Variants in SHANK1 observed in about 807,000 individuals in gnomAD.
SHANK1 encodes the protein SH3 and multiple ankyrin repeat domains protein 1.
In SHANK1, 35 loss-of-function variants were observed where a neutral mutation model predicts 165.6. The ratio of observed to expected loss-of-function variants is 0.21; its 90% CI spans 0.16 to 0.28. SHANK1 has a LOEUF of 0.28. SHANK1 is among the 10% of genes least tolerant of loss of function. The pLI, the probability that SHANK1 is intolerant of heterozygous loss-of-function variation, is 1.00. For synonymous variants in SHANK1, 1,428 were observed against 1,384.8 expected, an observed-to-expected ratio of 1.03 and a Z score of -0.69; for missense variants, 2,681 against 3,036.4, an observed-to-expected ratio of 0.88 and a Z score of 2.75.
At chr19:50,672,497 A>G (rs894710464) in intron 21 of SHANK1, among the ~76,000 whole-genome samples, 1 of 144,708 alleles carries the variant, frequency 6.9e-6, no homozygotes, top group Non-Finnish European at 1.5e-5. Flanking sequence ...TGGAGGCTAC[A>G]GTGAGCCAAG....
chr19:50,675,750 C>T (rs1985957556), intron 21 of SHANK1, among the ~76,000 whole-genome samples: 1 of 151,916 alleles, frequency 6.6e-6, no homozygotes, highest in African/African-American at 2.4e-5. Flanking sequence ...ACCTTTAATC[C>T]CAACATTTTG....
chr19:50,666,282 C>A lies in SHANK1; in HGVS notation c.5678G>T (p.Trp1893Leu). ...GSSAAGGALP[W>L]ARGGSGGGGD... ...GCCTCCCCCACTGCCTCCTCGGGCC[C>A]AGGGCAGAGCGCCGCCAGCTGCCGA... is the stretch of plus-strand genomic sequence containing the variant. The change falls in exon 23 of 24, where the codon TGG becomes TTG. Residue 1893 changes from tryptophan to leucine, a missense_variant. By Grantham distance (61) the Trp-to-Leu change is moderately conservative (BLOSUM62 -2). Coordinates refer to ENST00000293441, the MANE Select transcript of SHANK1 (RefSeq NM_016148.5). The A allele has an allele frequency of 6.2e-7, 1 of 1,611,854 alleles. No homozygotes were observed. Among genetic ancestry groups the A allele is most frequent in the African/African-American group, 1.3e-5 (1 of 75,036 alleles).
chr19:50,672,147 A>G (rs762958119), intron 21 of SHANK1, 33 bp from the exon 22 acceptor site: 2 of 1,544,660 alleles, frequency 1.3e-6, no homozygotes, highest in Non-Finnish European at 1.8e-6. Context: ...GGAGAGAGAG[A>G]AAAGATAGAG....
At position 50,711,430 on chromosome 19, in the gene SHANK1, G is replaced by C; in HGVS notation, c.1018C>G (p.Pro340Ala). The change falls in exon 8 of 24, where the codon CCT becomes GCT. Residue 340 changes from proline (P) to alanine (A), a missense_variant. Physicochemically the swap from Pro to Ala is conservative, Grantham distance 27. Around this residue, in one of 10 missense-constraint regions of SHANK1, gnomAD observed 189 missense variants for 440.9 expected, o/e 0.43. Transcript: ENST00000293441. The part of the protein sequence containing the change: ...LEHLLFYGAE[P>A]GAQNASGNTA... ...TTCCCCGAGGCGTTCTGGGCTCCAG[G>C]CTCAGCCCCGTAGAAAAGCAGATGC... 1.3e-6 allele frequency: 2 copies of C among 1,563,196 alleles called. No individual in the cohort carries two copies. Among genetic ancestry groups the C allele is most frequent in the Middle Eastern group, 1.7e-4 (1 of 6,002 alleles).
At position 50,713,921 on chromosome 19, in the gene SHANK1, G is replaced by C. The variant is rs3745531; in HGVS notation, c.669C>G (p.Thr223=). Residue 223 remains threonine (T), a synonymous_variant, in exon 6 of 24, where the codon ACC becomes ACG. Coordinates refer to ENST00000293441, the MANE Select transcript of SHANK1 (RefSeq NM_016148.5). The surrounding 1 kb of genome is among the most constrained non-coding windows in gnomAD (Gnocchi z 6.2). ...TTCGAATCACCTCTACAGAGCCTTC[G>C]GTCTGGGCCGCCAGTGTCAAGGGGG... The part of the protein sequence containing the change: ...GETPLTLAAQ[T]EGSVEVIRTL... 1 of 1,613,642 alleles carries C rather than the reference G, an allele frequency of 6.2e-7. No homozygotes were observed. The highest frequency in any genetic ancestry group is 8.5e-7 in the Non-Finnish European group (1 of 1,179,896).
rs370032906 is a variant in SHANK1, at chr19:50,667,348, C to T, written c.4612G>A (p.Glu1538Lys). Residue 1538 changes from glutamate to lysine, a missense_variant, in exon 23 of 24, where the codon GAA becomes AAA. Physicochemically the swap from Glu to Lys is moderately conservative, Grantham distance 56. Coordinates refer to ENST00000293441, the MANE Select transcript of SHANK1 (RefSeq NM_016148.5). The surrounding 1 kb of genome is among the most constrained non-coding windows in gnomAD (Gnocchi z 5.7). ...PPSPTSPRAS[E>K]ENGLPLLVLP... ...ACCAGCAGGGGCAGCCCGTTCTCTT[C>T]GCTGGCCCTCGGGGAGGTCGGGGAG... 8 of 1,554,978 alleles carry T rather than the reference C, an allele frequency of 5.1e-6. No homozygotes were observed. Among genetic ancestry groups the T allele is most frequent in the Non-Finnish European group, 6.1e-6 (7 of 1,155,988 alleles).
At chr19:50,691,203 G>A (rs915429861) in intron 15 of SHANK1, among the ~76,000 whole-genome samples, 5 of 152,132 alleles carry the variant, frequency 3.3e-5, no homozygotes, top group African/African-American at 1.2e-4. Flanking sequence ...GGGAGGAAAG[G>A]GGCCGAGAAG....
intron 6 of SHANK1, among the ~76,000 whole-genome samples, chr19:50,712,591 A>C (rs2089021349): frequency 6.6e-6 from 1 of 152,234 alleles, no homozygotes; most frequent in Admixed American, 6.5e-5. Flanking sequence ...GGGTAAGGGC[A>C]AGGATCGGGC....
chr19:50,704,217 AG>A (rs760515236), intron 9 of SHANK1, 31 bp from the exon 10 acceptor site: 341 of 1,605,644 alleles, frequency 2.1e-4, no homozygotes, highest in Middle Eastern at 5.0e-4. Context: ...CAGGTCGGCC[AG>A]GGGGGCCCAG....
chr19:50,665,437 G>A (rs892555937), intron 23 of SHANK1, among the ~76,000 whole-genome samples: 1 of 151,450 alleles, frequency 6.6e-6, no homozygotes, highest in Admixed American at 6.6e-5. Context: ...CATGGTGGCG[G>A]GCACCTGTAA....
In SHANK1 at chr19:50,666,577, C is replaced by T. The variant is rs368817818; in HGVS notation, c.5383G>A (p.Asp1795Asn). 57 of 1,599,526 alleles carry T rather than the reference C, an allele frequency of 3.6e-5. No individual in the cohort carries two copies. In the African/African-American group the frequency reaches 7.1e-4, roughly 20 times the overall value. ...PTVSVTGAGT[D>N]GLLALRACSG... ...CAAGCACGCAGGGCCAGCAGCCCATCGGTTCCAGCCCCTGTCACCGAGACG... is the reference window on the plus strand; with the variant it reads ...CAAGCACGCAGGGCCAGCAGCCCATTGGTTCCAGCCCCTGTCACCGAGACG... The change falls in exon 23 of 24, where the codon GAT becomes AAT. Residue 1795 changes from aspartate (D) to asparagine (N), a missense_variant. Around this residue, in one of 10 missense-constraint regions of SHANK1, gnomAD observed 1,713 missense variants for 1,630.2 expected, o/e 1.05. Transcript: ENST00000293441.
In SHANK1 at chr19:50,675,986, A is replaced by T. The variant is rs60602609; in HGVS notation, c.2578-3872T>A. Among the ~76,000 whole-genome samples, 886 of 152,130 alleles carry T rather than the reference A, an allele frequency of 5.8e-3. 36 individuals are homozygous for T. In the East Asian group the frequency reaches 0.12, roughly 21 times the overall value. On this transcript the variant is annotated intron_variant, in intron 21 of 23. Transcript: ENST00000293441. The stretch of plus-strand genomic sequence containing the variant: ...ACTCCAGCCTGGGTGACAGAGCAAG[A>T]CTTCATCTAAAATAAAATAGAATAA...
Position 50,669,000 on chromosome 19 carries a change from AG to A in SHANK1, c.2959del (p.Leu987CysfsTer356). ...DTRVGSREKS[L>X]YHSGPLPPAH... ...CGGGGGCAGGGGCCCACTGTGGTAC[AG>A]GCTCTTCTCGCGGCTCCCCACGCGA... On this transcript the variant is annotated frameshift_variant, in exon 23 of 24. Coordinates refer to ENST00000293441, the MANE Select transcript of SHANK1 (RefSeq NM_016148.5). LOFTEE classifies it high-confidence loss of function. 1 of 788,520 alleles carries A rather than the reference AG, an allele frequency of 1.3e-6. No homozygotes were observed. 48.8% of individuals were successfully genotyped at this position (788,520 alleles called of 1,614,324 possible).
rs1985155128 is a variant in SHANK1, at chr19:50,660,370, G to A, written c.*1595C>T. 6.6e-6 allele frequency among the ~76,000 whole-genome samples: 1 copy of A among 152,064 alleles called. No individual in the cohort carries two copies. Among genetic ancestry groups the A allele is most frequent in the Non-Finnish European group, 1.5e-5 (1 of 67,998 alleles). ...CAGAAGAGGGAGGATGTGAGGAAGG[G>A]TGAGGGCTGGAGGCAGGGAGAGGCT... On this transcript the variant is annotated 3_prime_UTR_variant, in exon 24 of 24. Coordinates refer to ENST00000293441, the MANE Select transcript of SHANK1 (RefSeq NM_016148.5).
chr19:50,709,288 G>GC (rs2088980675), intron 8 of SHANK1, among the ~76,000 whole-genome samples: 1 of 152,002 alleles, frequency 6.6e-6, no homozygotes, highest in Non-Finnish European at 1.5e-5. Context: ...ACAGGCGCCC[G>GC]CCACCACGCC....
chr19:50,670,131 T>A lies in SHANK1; in HGVS notation c.2675-846A>T, dbSNP rs914006693. On this transcript the variant is annotated intron_variant, in intron 22 of 23. Coordinates refer to ENST00000293441, the MANE Select transcript of SHANK1 (RefSeq NM_016148.5). This position sits in a 1 kb window ranked among gnomAD's most constrained non-coding sequence, Gnocchi z 4.1. Reference sequence around the variant, plus strand: ...TGGCTGTCTCACGGGCATCTCAGACTCCAAACGCTCCAACCCAAGCTCCTG... The same window carrying A: ...TGGCTGTCTCACGGGCATCTCAGACACCAAACGCTCCAACCCAAGCTCCTG... 2.0e-5 allele frequency among the ~76,000 whole-genome samples: 3 copies of A among 151,958 alleles called. No homozygotes were observed. The highest frequency in any genetic ancestry group is 7.3e-5 in the African/African-American group (3 of 41,356).
intron 15 of SHANK1, 71 bp from the exon 16 acceptor site, chr19:50,689,350 G>A: frequency 8.5e-7 from 1 of 1,174,632 alleles, no homozygotes; most frequent in South Asian, 1.2e-5. Flanking sequence ...CACAGAGGCT[G>A]TCCCCCACCC....
At chr19:50,715,440 G>A (rs1318036859) in intron 4 of SHANK1, among the ~76,000 whole-genome samples, 1 of 151,964 alleles carries the variant, frequency 6.6e-6, no homozygotes, top group South Asian at 2.1e-4. Context: ...GGGCAAAAGA[G>A]GAAAGTAAGA....
chr19:50,687,065 G>A (rs761359845), intron 19 of SHANK1: 1 of 1,437,014 alleles, frequency 7.0e-7, no homozygotes, highest in South Asian at 1.6e-5. Flanking sequence ...AGGCAGTAGA[G>A]GAGCCAAGAG....
Sources: allele counts gnomAD v4.1 joint callset (sites outside exome capture counted in the v4.1 genomes callset), GRCh38; gene constraint gnomAD v4.1.1; regional missense constraint gnomAD v4.1.1; non-coding constraint Gnocchi (gnomAD v3.1); transcripts MANE v1.5; gene names NCBI Gene and HGNC (gene_info 2026-07-23, HGNC 2026-07-21).